Variants in TRAPPC6B observed in about 807,000 individuals in gnomAD.
TRAPPC6B encodes the protein TRAPP complex subunit 6B.
Under a neutral mutation model 24.7 loss-of-function variants are expected in TRAPPC6B, and 27 were observed. The ratio of observed to expected loss-of-function variants is 1.09; its 90% confidence interval spans 0.81 to 1.51. TRAPPC6B has a LOEUF of 1.51. TRAPPC6B is among the 40% of genes most tolerant of loss of function. TRAPPC6B has a pLI of 0.00. For synonymous variants in TRAPPC6B, 80 were observed against 66.6 expected, an observed-to-expected ratio of 1.20 and a Z score of -0.98; for missense variants, 212 against 190.8, an observed-to-expected ratio of 1.11 and a Z score of -0.66.
chr14:39,163,966 T>C (rs1294595367), intron 1 of TRAPPC6B, among the ~76,000 whole-genome samples: 2 of 150,902 alleles, frequency 1.3e-5, no homozygotes, highest in Non-Finnish European at 2.9e-5. Flanking sequence ...TCCATTTTCT[T>C]CACCCCTGTG....
At chr14:39,159,368 G>T in intron 2 of TRAPPC6B, 115 bp downstream of exon 2, 1 of 625,232 alleles carries the variant, frequency 1.6e-6, no homozygotes, top group South Asian at 4.0e-5. Flanking sequence ...GAAGTAAAGA[G>T]AATAACATTC....
At chr14:39,164,099 G>GACC in intron 1 of TRAPPC6B, among the ~76,000 whole-genome samples, 1 of 143,328 alleles carries the variant, frequency 7.0e-6, no homozygotes, top group African/African-American at 3.0e-5. Context: ...CTGGTTTTTA[G>GACC]CTATAGCTTT....
chr14:39,155,305 G>A (rs376372340), intron 3 of TRAPPC6B, among the ~76,000 whole-genome samples: 2 of 151,902 alleles, frequency 1.3e-5, no homozygotes, highest in Non-Finnish European at 2.9e-5. Flanking sequence ...GCAATGGCTC[G>A]ATCTCAGCTC....
chr14:39,169,640 G>C (rs532168261), intron 1 of TRAPPC6B, among the ~76,000 whole-genome samples: 131 of 152,270 alleles, frequency 8.6e-4, no homozygotes, highest in South Asian at 4.4e-3. Flanking sequence ...TCTCAGGTTG[G>C]CACAGGTCTG....
intron 3 of TRAPPC6B, chr14:39,157,391 A>C (rs2052995270): frequency 6.1e-6 from 2 of 327,934 alleles, no homozygotes; most frequent in South Asian, 5.5e-5. Flanking sequence ...CAAGAAAATA[A>C]GCAGAGGCTA....
chr14:39,157,510 A>G (rs922821156), intron 3 of TRAPPC6B: 2 of 393,636 alleles, frequency 5.1e-6, no homozygotes, highest in South Asian at 3.8e-5. Context: ...GGAGAACAAG[A>G]AGGCTCAGCT....
At chr14:39,156,444 T>C (rs1307875056) in intron 3 of TRAPPC6B, among the ~76,000 whole-genome samples, 3 of 152,162 alleles carry the variant, frequency 2.0e-5, no homozygotes, top group South Asian at 2.1e-4. Flanking sequence ...TAAAATCTAA[T>C]GAAGCTGGGA....
chr14:39,158,160 T>C, intron 3 of TRAPPC6B, 125 bp downstream of exon 3: 1 of 604,470 alleles, frequency 1.7e-6, no homozygotes, highest in Middle Eastern at 4.4e-4. Context: ...TAATAACTCA[T>C]TAATAACATA....
At chr14:39,160,926 A>C (rs901991948) in intron 1 of TRAPPC6B, among the ~76,000 whole-genome samples, 3 of 152,216 alleles carry the variant, frequency 2.0e-5, no homozygotes, top group Admixed American at 6.5e-5. Context: ...GGACTTATGC[A>C]AGGTGTAATA....
At chr14:39,160,957 T>C (rs1331389904) in intron 1 of TRAPPC6B, among the ~76,000 whole-genome samples, 1 of 152,220 alleles carries the variant, frequency 6.6e-6, no homozygotes, top group Non-Finnish European at 1.5e-5. Flanking sequence ...TTTACTACTA[T>C]GAAAACAAAT....
chr14:39,153,876 C>T (rs2052945057), intron 4 of TRAPPC6B, among the ~76,000 whole-genome samples: 1 of 151,876 alleles, frequency 6.6e-6, no homozygotes, highest in Non-Finnish European at 1.5e-5. Flanking sequence ...AGCTATTTTT[C>T]ATATTTTTAG....
At chr14:39,163,990 A>C (rs1280966208) in intron 1 of TRAPPC6B, among the ~76,000 whole-genome samples, 2 of 150,604 alleles carry the variant, frequency 1.3e-5, no homozygotes, top group Non-Finnish European at 2.9e-5. Flanking sequence ...CCAACCCCCC[A>C]TACACTGTAG....
intron 2 of TRAPPC6B, 146 bp downstream of exon 2, chr14:39,159,337 T>TA (rs1289267145): frequency 9.1e-6 from 4 of 441,456 alleles, no homozygotes; most frequent in African/African-American, 2.0e-5. Context: ...GCATTGGATC[T>TA]AAAAAGAAAT....
chr14:39,162,959 C>T (rs2053074385), intron 1 of TRAPPC6B, among the ~76,000 whole-genome samples: 3 of 151,110 alleles, frequency 2.0e-5, no homozygotes, highest in Admixed American at 2.0e-4. Context: ...GATAGTCACA[C>T]AACCAACTCC....
intron 5 of TRAPPC6B, 67 bp downstream of exon 5, chr14:39,151,679 T>TCAA: frequency 8.4e-7 from 1 of 1,194,394 alleles, no homozygotes; most frequent in African/African-American, 1.6e-5. Context: ...CTCAGTTAAA[T>TCAA]TAAAAAAAAA....
chr14:39,154,150 CT>C (rs1287776578), intron 4 of TRAPPC6B, 60 bp downstream of exon 4: 6 of 1,024,182 alleles, frequency 5.9e-6, no homozygotes, highest in Non-Finnish European at 9.1e-6. Flanking sequence ...ATGATTAGCA[CT>C]GTACTTTTCC....
chr14:39,169,934 G>T, intron 1 of TRAPPC6B, 81 bp downstream of exon 1: 1 of 1,436,684 alleles, frequency 7.0e-7, no homozygotes, highest in Non-Finnish European at 9.8e-7. Context: ...GTGGCGATGG[G>T]ACAGGGGTTG....
chr14:39,169,935 A>AAG, intron 1 of TRAPPC6B, 80 bp downstream of exon 1: 1 of 1,435,540 alleles, frequency 7.0e-7, no homozygotes, highest in Non-Finnish European at 9.8e-7. Flanking sequence ...TGGCGATGGG[A>AAG]CAGGGGTTGA....
intron 5 of TRAPPC6B, among the ~76,000 whole-genome samples, chr14:39,151,078 T>A (rs2052906181): frequency 6.6e-6 from 1 of 152,048 alleles, no homozygotes; most frequent in South Asian, 2.1e-4. Context: ...AATAGACATA[T>A]CCTAAACAAT....
Sources: gnomAD v4.1 joint callset for allele counts (sites outside exome capture counted in the v4.1 genomes callset) on GRCh38, gnomAD v4.1.1 for gene constraint, MANE v1.5 for transcripts, NCBI Gene and HGNC (gene_info 2026-07-23, HGNC 2026-07-21) for gene names.